Variants in TCP11L2 observed in about 807,000 individuals in gnomAD.
TCP11L2 encodes T-complex protein 11-like protein 2.
A neutral mutation model predicts 50.7 loss-of-function variants in TCP11L2; 39 were observed. The observed-to-expected ratio is 0.77, with a 90% confidence interval of 0.60 to 1.01. TCP11L2 has a LOEUF of 1.01. Among genes scored for constraint, TCP11L2 ranks in the 50% least tolerant of loss-of-function variants. The pLI is 0.00. For missense variants in TCP11L2, 612 were observed against 614.7 expected (o/e 1.00, Z 0.05); for synonymous variants, 192 against 219.3 (o/e 0.88, Z 1.10).
At chr12:106,319,359 T>C (rs544383963) in intron 4 of TCP11L2, among the ~76,000 whole-genome samples, 5 of 152,332 alleles carry the variant, frequency 3.3e-5, no homozygotes, top group Non-Finnish European at 7.3e-5. Context: ...AACACAAATA[T>C]TGAAACTATA....
rs773360079 is a variant in TCP11L2 at position 106,323,641 on chromosome 12, C to G, written c.767C>G (p.Thr256Ser). ...RTKFQEILEETPSALDQTTEW... is the reference protein window; with the variant it reads ...RTKFQEILEESPSALDQTTEW... ...AAGTTCCAGGAAATTTTGGAAGAAACTCCAAGTGAGTATAATATAATGTGT... is the reference window on the plus strand; with the variant it reads ...AAGTTCCAGGAAATTTTGGAAGAAAGTCCAAGTGAGTATAATATAATGTGT... Residue 256 changes from threonine to serine, a missense_variant, in exon 6 of 10, where the codon ACT becomes AGT. Coordinates refer to ENST00000299045, the MANE Select transcript of TCP11L2 (RefSeq NM_152772.3). The G allele has an allele frequency of 6.3e-7, 1 of 1,596,524 alleles. No individual in the cohort carries two copies. Among genetic ancestry groups the G allele is most frequent in the Non-Finnish European group, 8.5e-7 (1 of 1,170,778 alleles).
intron 8 of TCP11L2, among the ~76,000 whole-genome samples, chr12:106,339,722 GA>G (rs2036033702): frequency 6.6e-6 from 1 of 151,398 alleles, no homozygotes; most frequent in Non-Finnish European, 1.5e-5. Context: ...AGAACTCACT[GA>G]TTAAAAGCAA....
Position 106,346,484 on chromosome 12 carries a change from A to C in TCP11L2, c.1514A>C (p.Asn505Thr). The C allele has an allele frequency of 6.2e-7, 1 of 1,614,162 alleles. No homozygotes were observed. The highest frequency in any genetic ancestry group is 8.5e-7 in the Non-Finnish European group (1 of 1,180,008). Residue 505 changes from asparagine to threonine, a missense_variant, in exon 10 of 10, where the codon AAT (asparagine) becomes ACT (threonine). By Grantham distance (65) the Asn-to-Thr change is moderately conservative. Transcript: ENST00000299045. Reference sequence around the variant, plus strand: ...AATATACTTCGAAAGCTGCTCTTCAATGAGGAAGCCATGGGGAAGGTAGAT... The same window carrying C: ...AATATACTTCGAAAGCTGCTCTTCACTGAGGAAGCCATGGGGAAGGTAGAT... ...YANILRKLLF[N>T]EEAMGKVDAS...
At chr12:106,327,871 G>A (rs2035612823) in intron 6 of TCP11L2, among the ~76,000 whole-genome samples, 1 of 152,158 alleles carries the variant, frequency 6.6e-6, no homozygotes, top group Non-Finnish European at 1.5e-5. Context: ...AATATAGCCA[G>A]GAGAACCTTA....
At chr12:106,326,171 G>C (rs1190191672) in intron 6 of TCP11L2, among the ~76,000 whole-genome samples, 10 of 152,148 alleles carry the variant, frequency 6.6e-5, no homozygotes, top group Non-Finnish European at 1.3e-4. Context: ...TTTCTGCCGA[G>C]ATAATCAACA....
upstream of TCP11L2, among the ~76,000 whole-genome samples, chr12:106,299,060 C>A (rs1367991972): frequency 6.6e-6 from 1 of 152,124 alleles, no homozygotes; most frequent in Admixed American, 6.5e-5. Flanking sequence ...AGGTGATCCA[C>A]CCACCTCAGC....
upstream of TCP11L2, among the ~76,000 whole-genome samples, chr12:106,298,997 G>C (rs370553556): frequency 6.6e-6 from 1 of 151,938 alleles, no homozygotes; most frequent in Non-Finnish European, 1.5e-5. Flanking sequence ...TTTGTATTTA[G>C]TAGAGACAGG....
At chr12:106,345,620 G>T (rs895397214) in intron 9 of TCP11L2, among the ~76,000 whole-genome samples, 2 of 151,106 alleles carry the variant, frequency 1.3e-5, no homozygotes, top group Non-Finnish European at 2.9e-5. Context: ...ATTAACTTTT[G>T]TAGAAGATTC....
chr12:106,336,334 A>G (rs2035920199), intron 8 of TCP11L2, 121 bp downstream of exon 8: 1 of 862,056 alleles, frequency 1.2e-6, no homozygotes. Flanking sequence ...AGAGAAGCTT[A>G]TCTTACACCT....
intron 8 of TCP11L2, among the ~76,000 whole-genome samples, chr12:106,337,476 C>T (rs1206137569): frequency 6.6e-6 from 1 of 152,168 alleles, no homozygotes; most frequent in Non-Finnish European, 1.5e-5. Context: ...TCTGATTTTG[C>T]AGTTGGTCTT....
At chr12:106,331,689 G>A (rs1565856020) in intron 6 of TCP11L2, among the ~76,000 whole-genome samples, 1 of 152,164 alleles carries the variant, frequency 6.6e-6, no homozygotes, top group Non-Finnish European at 1.5e-5. Context: ...TAGGTAACCT[G>A]CCCAAGACAT....
intron 1 of TCP11L2, chr12:106,304,042 G>C (rs1250925872): frequency 6.6e-6 from 1 of 152,274 alleles, no homozygotes; most frequent in African/African-American, 2.4e-5. Context: ...AATCTCAGTG[G>C]TTCCCACTTG....
chr12:106,302,402 C>G (rs1226347105), upstream of TCP11L2, among the ~76,000 whole-genome samples: 2 of 84,280 alleles, frequency 2.4e-5, no homozygotes, highest in Admixed American at 2.3e-4. Context: ...GCTCAGCCCC[C>G]GCTCAGCCCC....
chr12:106,323,450 G>T, intron 5 of TCP11L2, 60 bp from the exon 6 acceptor site: 1 of 1,413,108 alleles, frequency 7.1e-7, no homozygotes. Flanking sequence ...ATAGATCATT[G>T]TTAGTGAATT....
upstream of TCP11L2, among the ~76,000 whole-genome samples, chr12:106,302,534 G>C (rs899599961): frequency 3.3e-5 from 5 of 151,460 alleles, no homozygotes; most frequent in Admixed American, 3.3e-4. Context: ...CGGCAGCCCG[G>C]ACCGCACCAC....
intron 3 of TCP11L2, among the ~76,000 whole-genome samples, chr12:106,315,928 T>C (rs2035063876): frequency 6.6e-6 from 1 of 152,262 alleles, no homozygotes; most frequent in Non-Finnish European, 1.5e-5. Context: ...CAACTTAGAA[T>C]ATTTGATCCC....
In TCP11L2 at chr12:106,311,221, G is replaced by C; in HGVS notation, c.146G>C (p.Ser49Thr). Residue 49 changes from serine to threonine, a missense_variant, in exon 2 of 10, where the codon AGC becomes ACC. Coordinates refer to ENST00000299045, the MANE Select transcript of TCP11L2 (RefSeq NM_152772.3). ...SFASDSSSKSSSPASTSPPRV... is the reference protein window; with the variant it reads ...SFASDSSSKSTSPASTSPPRV... ...GCAAGTGACTCCTCCAGCAAATCCA[G>C]CTCTCCTGCTTGTGAGCCGATGGGG... is the stretch of plus-strand genomic sequence containing the variant. 1 of 1,613,886 alleles carries C rather than the reference G, an allele frequency of 6.2e-7. No individual in the cohort carries two copies. The highest frequency in any genetic ancestry group is 8.5e-7 in the Non-Finnish European group (1 of 1,179,892).
chr12:106,343,201 G>A (rs920630993), intron 9 of TCP11L2, among the ~76,000 whole-genome samples: 24 of 152,288 alleles, frequency 1.6e-4, no homozygotes, highest in African/African-American at 4.6e-4. Flanking sequence ...CTGCAAAAGA[G>A]GCAAAAGAGG....
intron 5 of TCP11L2, among the ~76,000 whole-genome samples, chr12:106,322,693 T>C (rs2035382802): frequency 6.6e-6 from 1 of 152,192 alleles, no homozygotes; most frequent in African/African-American, 2.4e-5. Context: ...GTAAATGTTT[T>C]GGAAAGGTAG....
Sources: allele counts gnomAD v4.1 joint callset (sites outside exome capture counted in the v4.1 genomes callset), GRCh38; gene constraint gnomAD v4.1.1; transcripts MANE v1.5; gene names NCBI Gene and HGNC (gene_info 2026-07-23, HGNC 2026-07-21).